LCP1: variants seen among roughly 807,000 people sequenced by gnomAD.
The protein encoded by LCP1 is lymphocyte cytosolic protein 1.
A neutral mutation model predicts 72.0 loss-of-function variants in LCP1; 23 were observed. That is an observed-to-expected ratio of 0.32 (90% CI 0.23 to 0.45). The LOEUF (loss-of-function observed/expected upper bound fraction) is 0.45, where lower values mean the gene tolerates loss of function less well. LCP1 is among the 20% of genes least tolerant of loss of function. The pLI, the probability that LCP1 is intolerant of heterozygous loss-of-function variation, is 1.00. For missense variants in LCP1, 571 were observed against 748.3 expected (o/e 0.76, Z 2.76); for synonymous variants, 245 against 275.4 (o/e 0.89, Z 1.09).
chr13:46,152,735 T>C, intron 7 of LCP1, 45 bp downstream of exon 7: 6 of 1,588,712 alleles, frequency 3.8e-6, no homozygotes, highest in Non-Finnish European at 5.1e-6. Flanking sequence ...ACGCGTAAGT[T>C]ATTAGAAAGC....
intron 10 of LCP1, among the ~76,000 whole-genome samples, chr13:46,145,192 A>G (rs2045722299): frequency 6.6e-6 from 1 of 152,234 alleles, no homozygotes; most frequent in African/African-American, 2.4e-5. Context: ...TAGTTGACAG[A>G]CAACGGCAGT....
chr13:46,162,545 G>T (rs1006711836), intron 1 of LCP1, among the ~76,000 whole-genome samples: 1 of 151,998 alleles, frequency 6.6e-6, no homozygotes, highest in Non-Finnish European at 1.5e-5. Flanking sequence ...TGAGTGATCT[G>T]CCAGCCTCGG....
Position 46,154,996 on chromosome 13 carries a change from T to G in LCP1, c.492-110A>C, listed in dbSNP as rs2138254968. On this transcript the variant is annotated intron_variant, in intron 5 of 15. Coordinates refer to ENST00000323076, the MANE Select transcript of LCP1 (RefSeq NM_002298.5). The stretch of plus-strand genomic sequence containing the variant: ...ATAATCAAAGAAGATAGCAACAGAA[T>G]CTGTGATGTTTAGATATAAAATCAG... 7 of 802,858 alleles carry G rather than the reference T, an allele frequency of 8.7e-6. No individual in the cohort carries two copies. The South Asian group carries it at 1.1e-4, about 13-fold the overall frequency. The allele number at this position is 802,858 out of a possible 1,614,324, so 49.7% of individuals were successfully genotyped here.
chr13:46,169,415 C>T (rs2045893672), intron 1 of LCP1: 1 of 152,188 alleles, frequency 6.6e-6, no homozygotes, highest in African/African-American at 2.4e-5. Flanking sequence ...ATTCTTACCC[C>T]CTGCATTTGT....
At chr13:46,159,330 CAG>C in intron 2 of LCP1, 1 of 534,666 alleles carries the variant, frequency 1.9e-6, no homozygotes, top group Non-Finnish European at 3.3e-6. Context: ...AACAGCAAAA[CAG>C]AAGACAAGAT....
chr13:46,181,276 T>C (rs74074085), intron 1 of LCP1, among the ~76,000 whole-genome samples: 35 of 152,372 alleles, frequency 2.3e-4, no homozygotes, highest in African/African-American at 7.9e-4. Context: ...GTGATAGTGG[T>C]AATTAAGTAA....
chr13:46,137,991 A>G (rs192388480), intron 13 of LCP1, among the ~76,000 whole-genome samples: 21 of 152,296 alleles, frequency 1.4e-4, no homozygotes, highest in African/African-American at 4.8e-4. Context: ...TCCTGACTTC[A>G]CCATCCACAG....
In LCP1 at chr13:46,182,136, T is replaced by TA. The variant is rs1386582378; in HGVS notation, c.-51dup. 6.6e-6 allele frequency: 1 copy of TA among 152,216 alleles called. No individual in the cohort carries two copies. Among genetic ancestry groups the TA allele is most frequent in the Non-Finnish European group, 1.5e-5 (1 of 68,036 alleles). 9.4% of individuals were successfully genotyped at this position (152,216 alleles called of 1,614,324 possible). A position where few individuals can be genotyped will look rare whatever the true frequency, so the allele number is the denominator to read the frequency against. On this transcript the variant is annotated 5_prime_UTR_variant, in exon 1 of 16. Transcript: ENST00000323076. ...CTTGCAGGAAAAAAGCTGTCCTTGG[T>TA]AGTACTGGTGTATGACCAGGAACCC...
rs58042033 is a variant in LCP1 at position 46,166,897 on chromosome 13, A to C, written c.-24-7211T>G. Among the ~76,000 whole-genome samples the C allele has an allele frequency of 9.9e-3, 1,504 of 152,304 alleles. 29 individuals carry two copies. The highest frequency in any genetic ancestry group is 0.033 in the African/African-American group (1,381 of 41,534). On this transcript the variant is annotated intron_variant, in intron 1 of 15. Transcript: ENST00000323076. ...TCATATCTCTATGGATACAGATATG[A>C]CTAACTTTTACATAAAGGATGATTC...
intron 13 of LCP1, among the ~76,000 whole-genome samples, chr13:46,136,030 T>C (rs1448099028): frequency 6.6e-6 from 1 of 151,856 alleles, no homozygotes; most frequent in Non-Finnish European, 1.5e-5. Flanking sequence ...CCAGCACATC[T>C]GTGATTTCCT....
Position 46,144,489 on chromosome 13 carries a change from G to C in LCP1, c.1206C>G (p.Asn402Lys), listed in dbSNP as rs1362852539. Reference protein sequence around the residue: ...GETREERTFRNWMNSLGVNPR... With the variant: ...GETREERTFRKWMNSLGVNPR... ...GGTTAACACCCAGGGAGTTCATCCA[G>C]TTCCTAAATGTCCGCTCTTCTCTCG... Residue 402 changes from asparagine to lysine, a missense_variant, in exon 11 of 16, where the codon AAC becomes AAG. Coordinates refer to ENST00000323076, the MANE Select transcript of LCP1 (RefSeq NM_002298.5). 1 of 1,613,730 alleles carries C rather than the reference G, an allele frequency of 6.2e-7. No homozygotes were observed. The highest frequency in any genetic ancestry group is 8.5e-7 in the Non-Finnish European group (1 of 1,179,750).
intron 1 of LCP1, among the ~76,000 whole-genome samples, chr13:46,178,186 C>T (rs2045940725): frequency 6.6e-6 from 1 of 152,170 alleles, no homozygotes; most frequent in Non-Finnish European, 1.5e-5. Flanking sequence ...TAAATGCTTT[C>T]ATAGGGTTAA....
intron 1 of LCP1, among the ~76,000 whole-genome samples, chr13:46,165,295 A>G (rs915583350): frequency 7.7e-4 from 117 of 151,936 alleles, no homozygotes; most frequent in African/African-American, 2.7e-3. Context: ...GATCACTTGA[A>G]CCCAGGAAGC....
chr13:46,126,612 A>G lies in LCP1; in HGVS notation c.*979T>C, dbSNP rs2045599894. 1 of 231,872 alleles carries G rather than the reference A, an allele frequency of 4.3e-6. No homozygotes were observed. The highest frequency in any genetic ancestry group is 2.2e-5 in the African/African-American group (1 of 45,260). The allele number at this position is 231,872 out of a possible 1,614,324, so 14.4% of individuals were successfully genotyped here. ...TCAGATATGCTAAGCTCTAGAAGCA[A>G]AAGCAAGGTAGGATTGCCTCCAAAT... is the stretch of plus-strand genomic sequence containing the variant. On this transcript the variant is annotated 3_prime_UTR_variant, in exon 16 of 16. Transcript: ENST00000323076.
intron 6 of LCP1, among the ~76,000 whole-genome samples, chr13:46,154,001 G>A (rs993194148): frequency 4.6e-5 from 7 of 152,032 alleles, no homozygotes; most frequent in African/African-American, 9.7e-5. Flanking sequence ...TGTTTTAATT[G>A]GCAAATTAAA....
chr13:46,181,499 T>C (rs2045955021), intron 1 of LCP1, among the ~76,000 whole-genome samples: 2 of 152,234 alleles, frequency 1.3e-5, no homozygotes, highest in African/African-American at 4.8e-5. Context: ...CTTTTATTTT[T>C]AGAGAACAAA....
intron 13 of LCP1, among the ~76,000 whole-genome samples, chr13:46,139,720 T>C (rs989253826): frequency 6.6e-6 from 1 of 152,248 alleles, no homozygotes; most frequent in African/African-American, 2.4e-5. Context: ...TATGATTTTG[T>C]ACCAAAATTG....
intron 11 of LCP1, among the ~76,000 whole-genome samples, chr13:46,143,647 A>T (rs2045711749): frequency 6.6e-6 from 1 of 152,248 alleles, no homozygotes. Context: ...AGGAAAAGAA[A>T]GAGCACTATG....
rs75961254 is a variant in LCP1, at chr13:46,131,795, G to C, written c.1627-857C>G. 7.5e-3 allele frequency among the ~76,000 whole-genome samples: 1,146 copies of C among 152,168 alleles called. 12 individuals carry two copies. The highest frequency in any genetic ancestry group is 0.029 in the Admixed American group (442 of 15,274). On this transcript the variant is annotated intron_variant, in intron 14 of 15. Coordinates refer to ENST00000323076, the MANE Select transcript of LCP1 (RefSeq NM_002298.5). ...TGCATCTATTCACTTATAAGAGGAA[G>C]CTAAACATTGAGTATGTATGGACAT... is the stretch of plus-strand genomic sequence containing the variant.
Sources: gnomAD v4.1 joint callset for allele counts (sites outside exome capture counted in the v4.1 genomes callset) on GRCh38, gnomAD v4.1.1 for gene constraint, MANE v1.5 for transcripts, NCBI Gene and HGNC (gene_info 2026-07-23, HGNC 2026-07-21) for gene names.